Variants in ARHGAP23 observed in about 807,000 individuals in gnomAD.
ARHGAP23 encodes Rho GTPase activating protein 23.
Under a neutral mutation model 136.3 loss-of-function variants are expected in ARHGAP23, and 34 were observed. The observed-to-expected ratio is 0.25, with a 90% CI of 0.19 to 0.33. ARHGAP23 has a LOEUF of 0.33. ARHGAP23 is among the 10% of genes least tolerant of loss of function. The probability of loss-of-function intolerance (pLI) is 1.00; values close to 1 mark genes in which losing one functional copy is unlikely to be tolerated. For missense variants in ARHGAP23, 1,808 were observed against 2,139.0 expected (o/e 0.85, Z 3.05); for synonymous variants, 832 against 920.5 (o/e 0.90, Z 1.74).
chr17:38,478,812 C>T (rs893585806), intron 12 of ARHGAP23, among the ~76,000 whole-genome samples: 11 of 152,182 alleles, frequency 7.2e-5, no homozygotes, highest in African/African-American at 2.7e-4. Context: ...GGAACCTACA[C>T]AGAAGTGCCT....
Position 38,428,472 on chromosome 17 carries a change from G to A in ARHGAP23, c.-14G>A, listed in dbSNP as rs2038608766. On this transcript the variant is annotated 5_prime_UTR_variant, in exon 1 of 24. Transcript: ENST00000622683. Reference sequence around the variant, plus strand: ...CCAGCCGTGCCCCGGCCGCAGAGCCGCCGCTGCCACCCGATGAATGGAGTC... The same window carrying A: ...CCAGCCGTGCCCCGGCCGCAGAGCCACCGCTGCCACCCGATGAATGGAGTC... The A allele has an allele frequency of 7.0e-7, 1 of 1,432,940 alleles. No individual in the cohort carries two copies. Among genetic ancestry groups the A allele is most frequent in the Middle Eastern group, 2.5e-4 (1 of 4,032 alleles). The allele number at this position is 1,432,940 out of a possible 1,614,324, so 88.8% of individuals were successfully genotyped here.
chr17:38,468,222 T>G (rs2039658936), intron 7 of ARHGAP23, among the ~76,000 whole-genome samples: 1 of 152,176 alleles, frequency 6.6e-6, no homozygotes, highest in African/African-American at 2.4e-5. Context: ...AAGGGTCTCA[T>G]TAGTCACTGG....
chr17:38,448,596 G>A (rs71384228), intron 1 of ARHGAP23, among the ~76,000 whole-genome samples: 2 of 150,786 alleles, frequency 1.3e-5, no homozygotes, highest in African/African-American at 4.9e-5. Context: ...TCCAGATCCC[G>A]TGTGTCAGCC....
At chr17:38,471,208 T>C (rs1183692132) in intron 10 of ARHGAP23, among the ~76,000 whole-genome samples, 12 of 151,726 alleles carry the variant, frequency 7.9e-5, no homozygotes, top group African/African-American at 2.2e-4. Flanking sequence ...CTGTCTCAGC[T>C]TCCCAAAGTG....
chr17:38,464,348 G>T (rs1002376775), intron 6 of ARHGAP23, among the ~76,000 whole-genome samples: 1 of 152,136 alleles, frequency 6.6e-6, no homozygotes, highest in Non-Finnish European at 1.5e-5. Flanking sequence ...TGGAGCCCCG[G>T]CGGTCCGCTT....
intron 6 of ARHGAP23, among the ~76,000 whole-genome samples, chr17:38,464,043 G>GCATA (rs2039523603): frequency 6.6e-6 from 1 of 152,186 alleles, no homozygotes; most frequent in African/African-American, 2.4e-5. Context: ...AGTACAAACA[G>GCATA]CATAGTACCT....
chr17:38,431,539 CCT>C (rs1436763364), intron 1 of ARHGAP23, among the ~76,000 whole-genome samples: 1 of 152,150 alleles, frequency 6.6e-6, no homozygotes, highest in Non-Finnish European at 1.5e-5. Context: ...TCCAGGCCCC[CCT>C]GTTTCTTGTG....
In ARHGAP23 at chr17:38,428,900, C is replaced by A. The variant is rs550157861; in HGVS notation, c.63+352C>A. ...TTTTGTTCGGGTTTTTCAGGCGGGG[C>A]GCCTGCCGCCGTTTCCTCTGCCCGA... On this transcript the variant is annotated intron_variant, in intron 1 of 23. Coordinates refer to ENST00000622683, the MANE Select transcript of ARHGAP23 (RefSeq NM_001199417.2). Among the ~76,000 whole-genome samples, 4 of 152,004 alleles carry A rather than the reference C, an allele frequency of 2.6e-5. No homozygotes were observed. The East Asian group carries it at 5.9e-4, about 22-fold the overall frequency.
intron 23 of ARHGAP23, 43 bp from the exon 24 acceptor site, chr17:38,509,901 C>T (rs1597858647): frequency 2.4e-6 from 3 of 1,236,606 alleles, no homozygotes; most frequent in South Asian, 4.1e-5. Flanking sequence ...GGCAGGGGGC[C>T]GAGTCCGGGC....
Position 38,496,782 on chromosome 17 carries a change from A to G in ARHGAP23, c.3277-1003A>G, listed in dbSNP as rs1159910513. Among the ~76,000 whole-genome samples, 5 of 152,090 alleles carry G rather than the reference A, an allele frequency of 3.3e-5. No homozygotes were observed. The East Asian group carries it at 7.7e-4, about 23-fold the overall frequency. On this transcript the variant is annotated intron_variant, in intron 20 of 23. Transcript: ENST00000622683. ...AGTCTGGCCAACATGACGAAACCCCATCTCTACTAAAAATACAAAAATTAT... is the reference window on the plus strand; with the variant it reads ...AGTCTGGCCAACATGACGAAACCCCGTCTCTACTAAAAATACAAAAATTAT...
At chr17:38,426,571 A>AAG (rs1458643674), upstream of ARHGAP23, among the ~76,000 whole-genome samples, 1 of 150,726 alleles carries the variant, frequency 6.6e-6, no homozygotes, top group Non-Finnish European at 1.5e-5. Context: ...AAAAAAAAAA[A>AAG]ATCCAGGCAG....
chr17:38,440,933 C>T (rs2038906143), intron 1 of ARHGAP23, among the ~76,000 whole-genome samples: 2 of 152,224 alleles, frequency 1.3e-5, no homozygotes, highest in Non-Finnish European at 2.9e-5. Flanking sequence ...AGCCTTACCA[C>T]GACCTTTAGA....
At chr17:38,430,001 G>A (rs763686080) in intron 1 of ARHGAP23, among the ~76,000 whole-genome samples, 6 of 152,100 alleles carry the variant, frequency 3.9e-5, no homozygotes, top group Non-Finnish European at 8.8e-5. Context: ...AAAGGCCCCC[G>A]GCCCCAGCGG....
intron 3 of ARHGAP23, among the ~76,000 whole-genome samples, chr17:38,461,691 G>A (rs567716322): frequency 3.4e-4 from 40 of 118,952 alleles, no homozygotes; most frequent in African/African-American, 1.3e-3. Flanking sequence ...TAGGGGCCTC[G>A]GACCTCTGCT....
At chr17:38,483,207 A>G (rs2040086689) in intron 16 of ARHGAP23, among the ~76,000 whole-genome samples, 1 of 152,226 alleles carries the variant, frequency 6.6e-6, no homozygotes. Context: ...ATCCAAAAGC[A>G]GGCTGTGGCT....
At chr17:38,455,829 C>T (rs2039311370) in intron 1 of ARHGAP23, among the ~76,000 whole-genome samples, 1 of 152,172 alleles carries the variant, frequency 6.6e-6, no homozygotes, top group African/African-American at 2.4e-5. Flanking sequence ...GATTTCAGAC[C>T]TCAGCAGAAT....
chr17:38,451,295 G>A (rs1217597696), intron 1 of ARHGAP23: 2 of 152,394 alleles, frequency 1.3e-5, no homozygotes, highest in African/African-American at 4.8e-5. Flanking sequence ...TGTGTTGGAG[G>A]AATCTGTTAC....
intron 1 of ARHGAP23, chr17:38,454,273 G>C (rs1697140945): frequency 6.6e-6 from 1 of 152,612 alleles, no homozygotes; most frequent in South Asian, 2.0e-4. Context: ...CTGGAACGGG[G>C]AGTGAGTGAG....
intron 1 of ARHGAP23, chr17:38,457,874 T>G: frequency 1.7e-6 from 1 of 594,674 alleles, no homozygotes; most frequent in Non-Finnish European, 3.0e-6. Context: ...AAAGACATTA[T>G]GAGGGGACTG....
Sources: gnomAD v4.1 joint callset for allele counts (sites outside exome capture counted in the v4.1 genomes callset) on GRCh38, gnomAD v4.1.1 for gene constraint, MANE v1.5 for transcripts, NCBI Gene and HGNC (gene_info 2026-07-23, HGNC 2026-07-21) for gene names.